Variants in FAM181B observed in about 807,000 individuals in gnomAD.
FAM181B encodes family with sequence similarity 181 member B.
Under a neutral mutation model 17.8 loss-of-function variants are expected in FAM181B, and 13 were observed. The ratio of observed to expected loss-of-function variants is 0.73; its 90% confidence interval spans 0.48 to 1.16. The LOEUF (loss-of-function observed/expected upper bound fraction) is 1.16, where lower values mean the gene tolerates loss of function less well. Among genes scored for constraint, FAM181B ranks in the 50% most tolerant of loss-of-function variants. The pLI is 0.00. For synonymous variants in FAM181B, 338 were observed against 316.5 expected (o/e 1.07, Z -0.72); for missense variants, 725 against 634.1 (o/e 1.14, Z -1.54).
At position 82,731,579 on chromosome 11, in the gene FAM181B, T is replaced by A. The variant is rs1857130513; in HGVS notation, c.*870A>T. The A allele has an allele frequency of 6.6e-6, 1 of 152,186 alleles. No individual in the cohort carries two copies. Among genetic ancestry groups the A allele is most frequent in the African/African-American group, 2.4e-5 (1 of 41,424 alleles). 9.4% of individuals were successfully genotyped at this position (152,186 alleles called of 1,614,324 possible). A position where few individuals can be genotyped will look rare whatever the true frequency, so the allele number is the denominator to read the frequency against. ...TAGAAGAACATTACCGTCTTCACCC[T>A]CTCAGATCACGAAAATTGATACAAA... On this transcript the variant is annotated 3_prime_UTR_variant, in exon 1 of 1. Transcript: ENST00000329203.
Position 82,732,760 on chromosome 11 carries a change from A to G in FAM181B, c.970T>C (p.Trp324Arg). ...VVGNLLYPEP[W>R]SVPGCSPTKK... ...GTCGGGGAGCAGCCCGGGACGCTCC[A>G]GGGCTCGGGGTACAGTAGGTTTCCC... The change falls in exon 1 of 1, where the codon TGG becomes CGG. Residue 324 changes from tryptophan (W) to arginine (R), a missense_variant. Transcript: ENST00000329203. The G allele has an allele frequency of 1.4e-6, 2 of 1,468,644 alleles. No homozygotes were observed. Among genetic ancestry groups the G allele is most frequent in the Non-Finnish European group, 1.8e-6 (2 of 1,109,464 alleles). 91.0% of individuals were successfully genotyped at this position (1,468,644 alleles called of 1,614,324 possible). A position where few individuals can be genotyped will look rare whatever the true frequency, so the allele number is the denominator to read the frequency against.
In FAM181B at chr11:82,733,677, A is replaced by T. The variant is rs1473702608; in HGVS notation, c.53T>A (p.Phe18Tyr). Residue 18 changes from phenylalanine (F) to tyrosine (Y), a missense_variant, in exon 1 of 1, where the codon TTC becomes TAC. Physicochemically the swap from Phe to Tyr is conservative, Grantham distance 22. Coordinates refer to ENST00000329203, the MANE Select transcript of FAM181B (RefSeq NM_175885.4). ...LSTHPFVPFGFGGSPDGLGGA... is the reference protein window; with the variant it reads ...LSTHPFVPFGYGGSPDGLGGA... ...CCCTAGCCCGTCCGGGGAGCCCCCGAAGCCGAAGGGCACGAAAGGGTGCGT... is the reference window on the plus strand; with the variant it reads ...CCCTAGCCCGTCCGGGGAGCCCCCGTAGCCGAAGGGCACGAAAGGGTGCGT... 6.5e-7 allele frequency: 1 copy of T among 1,542,442 alleles called. No individual in the cohort carries two copies. The highest frequency in any genetic ancestry group is 8.7e-7 in the Non-Finnish European group (1 of 1,149,270).
Position 82,733,057 on chromosome 11 carries a change from G to C in FAM181B, c.673C>G (p.Arg225Gly). 1 of 1,526,830 alleles carries C rather than the reference G, an allele frequency of 6.5e-7. No homozygotes were observed. The highest frequency in any genetic ancestry group is 8.7e-7 in the Non-Finnish European group (1 of 1,148,198). The allele number at this position is 1,526,830 out of a possible 1,614,324, so 94.6% of individuals were successfully genotyped here. The change falls in exon 1 of 1, where the codon CGC becomes GGC. Residue 225 changes from arginine (R) to glycine (G), a missense_variant. Coordinates refer to ENST00000329203, the MANE Select transcript of FAM181B (RefSeq NM_175885.4). ...PGARKVPLRA[R>G]NLPPSFFTEP... The stretch of plus-strand genomic sequence containing the variant: ...GTGAAGAAGGACGGAGGCAGATTGC[G>C]TGCCCGCAGCGGGACCTTCCTGGCC...
Position 82,732,249 on chromosome 11 carries a change from T to C in FAM181B, c.*200A>G, listed in dbSNP as rs554450973. 1.6e-4 allele frequency: 95 copies of C among 602,922 alleles called. No individual in the cohort carries two copies. Among genetic ancestry groups the C allele is most frequent in the Non-Finnish European group, 1.6e-4 (55 of 347,914 alleles). 37.3% of individuals were successfully genotyped at this position (602,922 alleles called of 1,614,324 possible). A position where few individuals can be genotyped will look rare whatever the true frequency, so the allele number is the denominator to read the frequency against. On this transcript the variant is annotated 3_prime_UTR_variant, in exon 1 of 1. Coordinates refer to ENST00000329203, the MANE Select transcript of FAM181B (RefSeq NM_175885.4). ...ACAAACGTGTTTGTTTGTTTTTGTT[T>C]TAACACTTGAGGTTGTGATTAAACA... is the stretch of plus-strand genomic sequence containing the variant.
In FAM181B at chr11:82,733,402, C is replaced by A; in HGVS notation, c.328G>T (p.Ala110Ser). The change falls in exon 1 of 1, where the codon GCC becomes TCC. Residue 110 changes from alanine (A) to serine (S), a missense_variant. Coordinates refer to ENST00000329203, the MANE Select transcript of FAM181B (RefSeq NM_175885.4). ...GGGGAGGGCGGGCCGGGGGGCGCGGCGCCCATGAGGCCGCTGCAGCGCTTG... is the reference window on the plus strand; with the variant it reads ...GGGGAGGGCGGGCCGGGGGGCGCGGAGCCCATGAGGCCGCTGCAGCGCTTG... Reference protein sequence around the residue: ...QIKRCSGLMGAAPPGPPSPSA... With the variant: ...QIKRCSGLMGSAPPGPPSPSA... 2.0e-6 allele frequency: 3 copies of A among 1,491,586 alleles called. No individual in the cohort carries two copies. The highest frequency in any genetic ancestry group is 2.7e-6 in the Non-Finnish European group (3 of 1,119,478). The allele number at this position is 1,491,586 out of a possible 1,614,324, so 92.4% of individuals were successfully genotyped here. A position where few individuals can be genotyped will look rare whatever the true frequency, so the allele number is the denominator to read the frequency against.
At position 82,733,305 on chromosome 11, in the gene FAM181B, T is replaced by C. The variant is rs1857163908; in HGVS notation, c.425A>G (p.His142Arg). The stretch of plus-strand genomic sequence containing the variant: ...CTCCCGCCGGGGGGCAGCCTTGCCG[T>C]GGGCCGGGGCCGCGACTGTCGGGGC... ...PSAPTVAAPA[H>R]GKAAPRREAS... Residue 142 changes from histidine (H) to arginine (R), a missense_variant, in exon 1 of 1, where the codon CAC (histidine) becomes CGC (arginine). Physicochemically the swap from His to Arg is conservative, Grantham distance 29 (BLOSUM62 0). Coordinates refer to ENST00000329203, the MANE Select transcript of FAM181B (RefSeq NM_175885.4). The C allele has an allele frequency of 8.1e-7, 1 of 1,229,138 alleles. No individual in the cohort carries two copies. The highest frequency in any genetic ancestry group is 1.0e-6 in the Non-Finnish European group (1 of 988,646). 76.1% of individuals were successfully genotyped at this position (1,229,138 alleles called of 1,614,324 possible).
chr11:82,732,130 T>C lies in FAM181B; in HGVS notation c.*319A>G. ...TTCGCTGAAAAATAGAAGGGACAGG[T>C]GGCTACAGAAGCCAGCTCTTACCCC... On this transcript the variant is annotated 3_prime_UTR_variant, in exon 1 of 1. Coordinates refer to ENST00000329203, the MANE Select transcript of FAM181B (RefSeq NM_175885.4). 2.6e-6 allele frequency: 1 copy of C among 383,594 alleles called. No individual in the cohort carries two copies. Among genetic ancestry groups the C allele is most frequent in the African/African-American group, 2.1e-5 (1 of 47,098 alleles). 23.8% of individuals were successfully genotyped at this position (383,594 alleles called of 1,614,324 possible). A position where few individuals can be genotyped will look rare whatever the true frequency, so the allele number is the denominator to read the frequency against.
At position 82,732,775 on chromosome 11, in the gene FAM181B, G is replaced by A. The variant is rs2291793; in HGVS notation, c.955C>T (p.Leu319=). ...EPPPAVVGNL[L]YPEPWSVPGC... ...GGGACGCTCCAGGGCTCGGGGTACAGTAGGTTTCCCACCACTGCCGGCGGC... is the reference window on the plus strand; with the variant it reads ...GGGACGCTCCAGGGCTCGGGGTACAATAGGTTTCCCACCACTGCCGGCGGC... The change falls in exon 1 of 1, where the codon CTG becomes TTG. Residue 319 remains leucine (L), a synonymous_variant. Coordinates refer to ENST00000329203, the MANE Select transcript of FAM181B (RefSeq NM_175885.4). 0.18 allele frequency: 266,579 copies of A among 1,486,832 alleles called. 27,232 individuals are homozygous for A. Among genetic ancestry groups the A allele is most frequent in the East Asian group, 0.51 (20,141 of 39,228 alleles). 92.1% of individuals were successfully genotyped at this position (1,486,832 alleles called of 1,614,324 possible).
Position 82,733,187 on chromosome 11 carries a change from C to G in FAM181B, c.543G>C (p.Pro181=). ...CCGGCGCAGCCACCTCACCCCCCGC[C>G]GGCTCGGCACCCCCGGGGACGTGGC... is the stretch of plus-strand genomic sequence containing the variant. ...SLRHVPGGAE[P]AGGEVAAPAA... Residue 181 remains proline (P), a synonymous_variant, in exon 1 of 1, where the codon CCG becomes CCC. Transcript: ENST00000329203. 1 of 1,354,976 alleles carries G rather than the reference C, an allele frequency of 7.4e-7. No homozygotes were observed. The highest frequency in any genetic ancestry group is 3.1e-5 in the East Asian group (1 of 32,396). The allele number at this position is 1,354,976 out of a possible 1,614,324, so 83.9% of individuals were successfully genotyped here.
At position 82,732,537 on chromosome 11, in the gene FAM181B, C is replaced by T; in HGVS notation, c.1193G>A (p.Gly398Asp). The T allele has an allele frequency of 6.8e-6, 11 of 1,612,158 alleles. No individual in the cohort carries two copies. Among genetic ancestry groups the T allele is most frequent in the Non-Finnish European group, 9.3e-6 (11 of 1,179,722 alleles). ...GCTGGAATAGGCGGTGCGGCTGTAG[C>T]CCGCGCTGTAATCGTAGGACACCTG... is the stretch of plus-strand genomic sequence containing the variant. ...PHQVSYDYSA[G>D]YSRTAYSSLW... The change falls in exon 1 of 1, where the codon GGC (glycine) becomes GAC (aspartate). Residue 398 changes from glycine (G) to aspartate (D), a missense_variant. Coordinates refer to ENST00000329203, the MANE Select transcript of FAM181B (RefSeq NM_175885.4).
rs899526824 is a variant in FAM181B at position 82,733,708 on chromosome 11, G to A, written c.22C>T (p.Leu8Phe). Reference sequence around the variant, plus strand: ...AAGGGCACGAAAGGGTGCGTGCTGAGGAGCGCCGCCTGCACCGCCATCGCC... The same window carrying A: ...AAGGGCACGAAAGGGTGCGTGCTGAAGAGCGCCGCCTGCACCGCCATCGCC... MAVQAAL[L>F]STHPFVPFGF... Residue 8 changes from leucine (L) to phenylalanine (F), a missense_variant, in exon 1 of 1, where the codon CTC (leucine) becomes TTC (phenylalanine). Physicochemically the swap from Leu to Phe is conservative, Grantham distance 22. Coordinates refer to ENST00000329203, the MANE Select transcript of FAM181B (RefSeq NM_175885.4). The A allele has an allele frequency of 2.1e-6, 3 of 1,454,212 alleles. No individual in the cohort carries two copies. Among genetic ancestry groups the A allele is most frequent in the South Asian group, 1.4e-5 (1 of 73,782 alleles). 90.1% of individuals were successfully genotyped at this position (1,454,212 alleles called of 1,614,324 possible). A position where few individuals can be genotyped will look rare whatever the true frequency, so the allele number is the denominator to read the frequency against.
At position 82,733,179 on chromosome 11, in the gene FAM181B, C is replaced by G; in HGVS notation, c.551G>C (p.Gly184Ala). The change falls in exon 1 of 1, where the codon GGT becomes GCT. Residue 184 changes from glycine (G) to alanine (A), a missense_variant. Physicochemically the swap from Gly to Ala is moderately conservative, Grantham distance 60. Coordinates refer to ENST00000329203, the MANE Select transcript of FAM181B (RefSeq NM_175885.4). ...HVPGGAEPAG[G>A]EVAAPAAGLG... ...CCCGGCCGCCGGCGCAGCCACCTCA[C>G]CCCCCGCCGGCTCGGCACCCCCGGG... is the stretch of plus-strand genomic sequence containing the variant. The G allele has an allele frequency of 7.3e-7, 1 of 1,367,228 alleles. No homozygotes were observed. The highest frequency in any genetic ancestry group is 9.4e-7 in the Non-Finnish European group (1 of 1,068,990). 84.7% of individuals were successfully genotyped at this position (1,367,228 alleles called of 1,614,324 possible).
In FAM181B at chr11:82,732,990, C is replaced by T; in HGVS notation, c.740G>A (p.Gly247Glu). 1 of 1,560,384 alleles carries T rather than the reference C, an allele frequency of 6.4e-7. No individual in the cohort carries two copies. Residue 247 changes from glycine (G) to glutamate (E), a missense_variant, in exon 1 of 1, where the codon GGG (glycine) becomes GAG (glutamate). By Grantham distance (98) the Gly-to-Glu change is moderately conservative. Coordinates refer to ENST00000329203, the MANE Select transcript of FAM181B (RefSeq NM_175885.4). ...RAGGGGCGPS[G>E]PDVSLGDLEK... ...CAGGTCGCCCAAGCTCACGTCCGGC[C>T]CCGACGGGCCACACCCGCCGCCGCC...
Position 82,733,409 on chromosome 11 carries a change from G to T in FAM181B, c.321C>A (p.Leu107=). The change falls in exon 1 of 1, where the codon CTC becomes CTA. Residue 107 remains leucine, a synonymous_variant. Transcript: ENST00000329203. ...GCGGGCCGGGGGGCGCGGCGCCCATGAGGCCGCTGCAGCGCTTGATCTGCT... is the reference window on the plus strand; with the variant it reads ...GCGGGCCGGGGGGCGCGGCGCCCATTAGGCCGCTGCAGCGCTTGATCTGCT... ...LQKQIKRCSG[L]MGAAPPGPPS... 1 of 1,512,708 alleles carries T rather than the reference G, an allele frequency of 6.6e-7. No individual in the cohort carries two copies. The highest frequency in any genetic ancestry group is 1.2e-5 in the South Asian group (1 of 80,892). 93.7% of individuals were successfully genotyped at this position (1,512,708 alleles called of 1,614,324 possible).
In FAM181B at chr11:82,732,755, G is replaced by A. The variant is rs770825449; in HGVS notation, c.975C>T (p.Ser325=). 1.3e-4 allele frequency: 194 copies of A among 1,463,280 alleles called. 3 individuals are homozygous for A. In the Middle Eastern group the frequency reaches 9.5e-3, roughly 72 times the overall value. The allele number at this position is 1,463,280 out of a possible 1,614,324, so 90.6% of individuals were successfully genotyped here. A position where few individuals can be genotyped will look rare whatever the true frequency, so the allele number is the denominator to read the frequency against. Residue 325 remains serine (S), a synonymous_variant, in exon 1 of 1, where the codon AGC becomes AGT. Transcript: ENST00000329203. ...TTTTGGTCGGGGAGCAGCCCGGGAC[G>A]CTCCAGGGCTCGGGGTACAGTAGGT... ...VGNLLYPEPW[S]VPGCSPTKKS...
In FAM181B at chr11:82,733,071, A is replaced by C; in HGVS notation, c.659T>G (p.Val220Gly). ...AGGCAGATTGCGTGCCCGCAGCGGG[A>C]CCTTCCTGGCCCCTGGGATCGCCGT... is the stretch of plus-strand genomic sequence containing the variant. ...GATAIPGARKVPLRARNLPPS... is the reference protein window; with the variant it reads ...GATAIPGARKGPLRARNLPPS... Residue 220 changes from valine (V) to glycine (G), a missense_variant, in exon 1 of 1, where the codon GTC becomes GGC. Coordinates refer to ENST00000329203, the MANE Select transcript of FAM181B (RefSeq NM_175885.4). 6.6e-7 allele frequency: 1 copy of C among 1,520,584 alleles called. No individual in the cohort carries two copies. The highest frequency in any genetic ancestry group is 8.7e-7 in the Non-Finnish European group (1 of 1,145,206). The allele number at this position is 1,520,584 out of a possible 1,614,324, so 94.2% of individuals were successfully genotyped here. A position where few individuals can be genotyped will look rare whatever the true frequency, so the allele number is the denominator to read the frequency against.
rs1857140845 is a variant in FAM181B, at chr11:82,732,391, C to G, written c.*58G>C. 2.0e-6 allele frequency: 3 copies of G among 1,519,992 alleles called. No individual in the cohort carries two copies. The highest frequency in any genetic ancestry group is 2.7e-6 in the Non-Finnish European group (3 of 1,115,600). 94.2% of individuals were successfully genotyped at this position (1,519,992 alleles called of 1,614,324 possible). On this transcript the variant is annotated 3_prime_UTR_variant, in exon 1 of 1. Transcript: ENST00000329203. ...ATCGTTCTTCAGATTTAGGAGAAAC[C>G]CACGGAGGCGCGGCGCTCTCCACAG...
chr11:82,732,648 G>C lies in FAM181B; in HGVS notation c.1082C>G (p.Pro361Arg), dbSNP rs752019906. The change falls in exon 1 of 1, where the codon CCC becomes CGC. Residue 361 changes from proline (P) to arginine (R), a missense_variant. Coordinates refer to ENST00000329203, the MANE Select transcript of FAM181B (RefSeq NM_175885.4). ...SPLYPAAADS[P>R]GGEDGRGHLA... ...ATGGCCCCGCCCGTCCTCCCCGCCG[G>C]GAGAATCCGCAGCGGCGGGGTACAG... 1 of 1,501,998 alleles carries C rather than the reference G, an allele frequency of 6.7e-7. No homozygotes were observed. Among genetic ancestry groups the C allele is most frequent in the South Asian group, 1.3e-5 (1 of 75,710 alleles). 93.0% of individuals were successfully genotyped at this position (1,501,998 alleles called of 1,614,324 possible).
At position 82,733,470 on chromosome 11, in the gene FAM181B, G is replaced by A; in HGVS notation, c.260C>T (p.Ser87Leu). 1.9e-6 allele frequency: 3 copies of A among 1,600,110 alleles called. No homozygotes were observed. The highest frequency in any genetic ancestry group is 2.6e-6 in the Non-Finnish European group (3 of 1,174,148). ...IKLALDKPGKSKRKVNHRKYL... is the reference protein window; with the variant it reads ...IKLALDKPGKLKRKVNHRKYL... ...CTTGCGGTGGTTCACCTTCCGCTTCGACTTGCCCGGCTTGTCCAGCGCCAG... is the reference window on the plus strand; with the variant it reads ...CTTGCGGTGGTTCACCTTCCGCTTCAACTTGCCCGGCTTGTCCAGCGCCAG... Residue 87 changes from serine to leucine, a missense_variant, in exon 1 of 1, where the codon TCG (serine) becomes TTG (leucine). Physicochemically the swap from Ser to Leu is moderately radical, Grantham distance 145. Coordinates refer to ENST00000329203, the MANE Select transcript of FAM181B (RefSeq NM_175885.4).
Sources: gnomAD v4.1 joint callset for allele counts on GRCh38, gnomAD v4.1.1 for gene constraint, MANE v1.5 for transcripts, NCBI Gene and HGNC (gene_info 2026-07-23, HGNC 2026-07-21) for gene names.